Variants in SPOCK3 observed in about 807,000 individuals in gnomAD.
SPOCK3 encodes SPARC (osteonectin), cwcv and kazal like domains proteoglycan 3.
A neutral mutation model predicts 56.6 loss-of-function variants in SPOCK3; 30 were observed. That is an observed-to-expected ratio of 0.53 (90% CI 0.40 to 0.72). SPOCK3 has a LOEUF of 0.72. Among genes scored for constraint, SPOCK3 ranks in the 30% least tolerant of loss-of-function variants. The pLI, the probability that SPOCK3 is intolerant of heterozygous loss-of-function variation, is 0.00. For missense variants in SPOCK3, 527 were observed against 530.0 expected (o/e 0.99, Z 0.06); for synonymous variants, 196 against 183.3 (o/e 1.07, Z -0.56).
chr4:167,058,440 C>G (rs1247066292), intron 3 of SPOCK3, among the ~76,000 whole-genome samples: 1 of 152,080 alleles, frequency 6.6e-6, no homozygotes, highest in Non-Finnish European at 1.5e-5. Flanking sequence ...ATCCAACTTA[C>G]AAGGGATGTG....
At chr4:167,201,072 G>A (rs1297972684) in intron 2 of SPOCK3, among the ~76,000 whole-genome samples, 2 of 151,890 alleles carry the variant, frequency 1.3e-5, no homozygotes, top group Non-Finnish European at 2.9e-5. Flanking sequence ...TTTCTCTTTG[G>A]TGGCATGATG....
chr4:167,062,589 G>A, intron 2 of SPOCK3, 52 bp from the exon 3 acceptor site: 2 of 1,389,122 alleles, frequency 1.4e-6, no homozygotes, highest in Non-Finnish European at 2.0e-6. Context: ...TAAAACGCAA[G>A]GGTTCATATA....
chr4:166,934,173 A>G (rs1740103502), intron 4 of SPOCK3, among the ~76,000 whole-genome samples: 1 of 152,120 alleles, frequency 6.6e-6, no homozygotes, highest in Admixed American at 6.6e-5. Context: ...ATAGCAAGAA[A>G]TTATGAAACC....
chr4:167,014,370 G>T (rs1025482972), intron 3 of SPOCK3, among the ~76,000 whole-genome samples: 1 of 151,532 alleles, frequency 6.6e-6, no homozygotes, highest in Non-Finnish European at 1.5e-5. Context: ...AACACACCAG[G>T]CAAGATGGCT....
At chr4:167,167,770 T>C (rs977434343) in intron 2 of SPOCK3, among the ~76,000 whole-genome samples, 1 of 152,138 alleles carries the variant, frequency 6.6e-6, no homozygotes, top group African/African-American at 2.4e-5. Flanking sequence ...TATTAATAAA[T>C]ATGTTACTGC....
At chr4:166,802,901 G>A (rs1376741863) in intron 6 of SPOCK3, among the ~76,000 whole-genome samples, 1 of 151,934 alleles carries the variant, frequency 6.6e-6, no homozygotes. Flanking sequence ...AATTCTAAAC[G>A]CTCTTTCTTA....
chr4:166,879,578 T>C (rs904733156), intron 6 of SPOCK3, among the ~76,000 whole-genome samples: 2 of 152,168 alleles, frequency 1.3e-5, no homozygotes, highest in African/African-American at 4.8e-5. Flanking sequence ...GCAAATTACC[T>C]TGCATATAGT....
At chr4:167,125,308 T>C (rs1762181147) in intron 2 of SPOCK3, among the ~76,000 whole-genome samples, 1 of 150,086 alleles carries the variant, frequency 6.7e-6, no homozygotes, top group African/African-American at 2.4e-5. Flanking sequence ...GCCAGGCATA[T>C]AGCACTCTGT....
At chr4:166,746,514 T>C (rs1303154686) in intron 8 of SPOCK3, among the ~76,000 whole-genome samples, 3 of 152,206 alleles carry the variant, frequency 2.0e-5, no homozygotes, top group African/African-American at 4.8e-5. Flanking sequence ...TAGCACTAAA[T>C]GCCCACAAGA....
chr4:167,094,746 G>A (rs1759001449), intron 2 of SPOCK3, among the ~76,000 whole-genome samples: 1 of 152,030 alleles, frequency 6.6e-6, no homozygotes, highest in African/African-American at 2.4e-5. Context: ...TCTCATTACT[G>A]TTATTAGATT....
intron 9 of SPOCK3, among the ~76,000 whole-genome samples, chr4:166,741,551 T>C (rs966819773): frequency 6.6e-6 from 1 of 152,074 alleles, no homozygotes; most frequent in Admixed American, 6.6e-5. Context: ...AAAAGAAGGG[T>C]AGTAAAAAAC....
intron 6 of SPOCK3, among the ~76,000 whole-genome samples, chr4:166,811,586 G>A (rs941338238): frequency 6.6e-6 from 1 of 151,794 alleles, no homozygotes; most frequent in Non-Finnish European, 1.5e-5. Flanking sequence ...ATTCACATAT[G>A]AGAGTGGCAA....
intron 2 of SPOCK3, among the ~76,000 whole-genome samples, chr4:167,103,669 G>A (rs1245457589): frequency 6.6e-6 from 1 of 152,158 alleles, no homozygotes; most frequent in African/African-American, 2.4e-5. Context: ...GAAACTCACT[G>A]CTCTGAAGGG....
intron 6 of SPOCK3, among the ~76,000 whole-genome samples, chr4:166,849,289 A>G (rs1156948589): frequency 6.6e-6 from 1 of 152,222 alleles, no homozygotes; most frequent in Non-Finnish European, 1.5e-5. Context: ...CAGTCTGTAT[A>G]TTACATATAA....
Position 166,925,490 on chromosome 4 carries a change from C to A in SPOCK3, c.351-12747G>T, listed in dbSNP as rs575580635. 2.3e-4 allele frequency among the ~76,000 whole-genome samples: 35 copies of A among 151,978 alleles called. No homozygotes were observed. In the South Asian group the frequency reaches 6.7e-3, roughly 29 times the overall value. Reference sequence around the variant, plus strand: ...AAAAGTACATTTATATTGTGTGATACCATTGAAATTTGGGGGTAAATTTGT... The same window carrying A: ...AAAAGTACATTTATATTGTGTGATAACATTGAAATTTGGGGGTAAATTTGT... On this transcript the variant is annotated intron_variant, in intron 4 of 10. Coordinates refer to ENST00000357545, the MANE Select transcript of SPOCK3 (RefSeq NM_001040159.2).
At chr4:166,962,777 A>C (rs985918809) in intron 4 of SPOCK3, among the ~76,000 whole-genome samples, 6 of 152,064 alleles carry the variant, frequency 3.9e-5, no homozygotes, top group African/African-American at 1.4e-4. Context: ...TTTTTAATCA[A>C]AGAACAAATT....
At chr4:167,125,874 T>A (rs567683477) in intron 2 of SPOCK3, among the ~76,000 whole-genome samples, 1 of 152,276 alleles carries the variant, frequency 6.6e-6, no homozygotes, top group Non-Finnish European at 1.5e-5. Context: ...TCATTTCATG[T>A]TCTAAGATGA....
At chr4:167,088,926 A>T (rs978876740) in intron 2 of SPOCK3, among the ~76,000 whole-genome samples, 6 of 152,318 alleles carry the variant, frequency 3.9e-5, no homozygotes, top group African/African-American at 1.4e-4. Context: ...ATGTTCCCAT[A>T]CAATAAAGAA....
At chr4:167,044,059 T>C (rs1753489581) in intron 3 of SPOCK3, among the ~76,000 whole-genome samples, 1 of 152,024 alleles carries the variant, frequency 6.6e-6, no homozygotes, top group African/African-American at 2.4e-5. Flanking sequence ...CACCAGTATA[T>C]CCAACTGAGT....
Sources: allele counts gnomAD v4.1 joint callset (sites outside exome capture counted in the v4.1 genomes callset), GRCh38; gene constraint gnomAD v4.1.1; transcripts MANE v1.5; gene names NCBI Gene and HGNC (gene_info 2026-07-23, HGNC 2026-07-21).